The following IQCJ variants were observed in gnomAD, a reference collection of about 807,000 sequenced individuals.
IQCJ encodes IQ motif containing J, also known as IQ domain-containing protein J.
In IQCJ, 9 loss-of-function variants were observed where a neutral mutation model predicts 11.0. The observed-to-expected ratio is 0.82, with a 90% confidence interval of 0.49 to 1.43. The LOEUF is 1.43. Among genes scored for constraint, IQCJ ranks in the 40% most tolerant of loss-of-function variants. IQCJ has a pLI of 0.00. For missense variants in IQCJ, 146 were observed against 133.2 expected (o/e 1.10, Z -0.47); for synonymous variants, 55 against 51.3 (o/e 1.07, Z -0.31).
At chr3:159,207,493 A>T (rs1163091185) in intron 1 of IQCJ, among the ~76,000 whole-genome samples, 1 of 152,162 alleles carries the variant, frequency 6.6e-6, no homozygotes, top group Non-Finnish European at 1.5e-5. Context: ...GCAAAAAATA[A>T]ATGTCCAATA....
chr3:159,236,084 C>G (rs1726565672), intron 1 of IQCJ, among the ~76,000 whole-genome samples: 1 of 152,070 alleles, frequency 6.6e-6, no homozygotes, highest in African/African-American at 2.4e-5. Flanking sequence ...ATGTATGCTT[C>G]ATGTGACCAT....
intron 1 of IQCJ, among the ~76,000 whole-genome samples, chr3:159,094,701 T>G (rs534258534): frequency 3.4e-4 from 52 of 151,844 alleles, no homozygotes; most frequent in Non-Finnish European, 5.4e-4. Context: ...AAAATGAGAT[T>G]AGAATTGGTA....
chr3:159,111,301 A>C (rs1718614450), intron 1 of IQCJ, among the ~76,000 whole-genome samples: 1 of 152,230 alleles, frequency 6.6e-6, no homozygotes. Context: ...ACTATCCAGT[A>C]AAAACTCTTT....
At chr3:159,202,648 A>T (rs1375378223) in intron 1 of IQCJ, among the ~76,000 whole-genome samples, 3 of 152,082 alleles carry the variant, frequency 2.0e-5, no homozygotes, top group Non-Finnish European at 4.4e-5. Context: ...CAAGCTAAGC[A>T]ATTTTTATTT....
intron 1 of IQCJ, among the ~76,000 whole-genome samples, chr3:159,238,317 G>A (rs1165313569): frequency 6.6e-6 from 1 of 152,168 alleles, no homozygotes; most frequent in African/African-American, 2.4e-5. Flanking sequence ...ATAGAATAAA[G>A]GGTCTAATAG....
intron 1 of IQCJ, among the ~76,000 whole-genome samples, chr3:159,084,043 A>G (rs1353221956): frequency 6.6e-6 from 1 of 152,066 alleles, no homozygotes; most frequent in African/African-American, 2.4e-5. Flanking sequence ...CTAAAACCAC[A>G]CGCACACATA....
intron 1 of IQCJ, among the ~76,000 whole-genome samples, chr3:159,187,088 A>G (rs961613042): frequency 7.2e-5 from 11 of 152,368 alleles, no homozygotes; most frequent in African/African-American, 2.6e-4. Context: ...ATTTTTAAAA[A>G]TCTAGATAAC....
chr3:159,091,821 A>T (rs1255798524), intron 1 of IQCJ, among the ~76,000 whole-genome samples: 1 of 151,798 alleles, frequency 6.6e-6, no homozygotes, highest in Non-Finnish European at 1.5e-5. Context: ...TTAAAAGCCC[A>T]TGGGTTCATA....
chr3:159,153,511 T>C (rs188086859), intron 1 of IQCJ, among the ~76,000 whole-genome samples: 1 of 152,358 alleles, frequency 6.6e-6, no homozygotes, highest in East Asian at 1.9e-4. Context: ...TTTCATACTT[T>C]ATTAGACATT....
chr3:159,154,527 T>G (rs888474660), intron 1 of IQCJ, among the ~76,000 whole-genome samples: 2 of 152,222 alleles, frequency 1.3e-5, no homozygotes, highest in Non-Finnish European at 2.9e-5. Flanking sequence ...GAATACTATG[T>G]GAGGCCTTTG....
intron 2 of IQCJ, among the ~76,000 whole-genome samples, chr3:159,246,112 C>T (rs1276034854): frequency 1.3e-5 from 2 of 152,112 alleles, no homozygotes; most frequent in Non-Finnish European, 2.9e-5. Context: ...TACTGCTTAA[C>T]AGAGTAATAT....
chr3:159,152,066 G>A (rs1025456532), intron 1 of IQCJ, among the ~76,000 whole-genome samples: 2 of 152,124 alleles, frequency 1.3e-5, no homozygotes, highest in Non-Finnish European at 2.9e-5. Flanking sequence ...GGTGAATTCC[G>A]AATGTTACAA....
At chr3:159,081,805 A>G (rs1226393868) in intron 1 of IQCJ, among the ~76,000 whole-genome samples, 1 of 152,148 alleles carries the variant, frequency 6.6e-6, no homozygotes, top group Non-Finnish European at 1.5e-5. Context: ...GAGTTAGTGT[A>G]ATTTTTGCCC....
intron 1 of IQCJ, among the ~76,000 whole-genome samples, chr3:159,155,480 C>G (rs1721464745): frequency 1.3e-5 from 2 of 152,208 alleles, no homozygotes; most frequent in African/African-American, 4.8e-5. Flanking sequence ...TTTTGCCTAA[C>G]AGTTAGCTAA....
intron 1 of IQCJ, among the ~76,000 whole-genome samples, chr3:159,086,280 C>A (rs1166605866): frequency 6.6e-6 from 1 of 152,152 alleles, no homozygotes; most frequent in Non-Finnish European, 1.5e-5. Context: ...ATCTATATGT[C>A]TGTTTTGGTA....
chr3:159,075,544 C>T (rs1400820951), intron 1 of IQCJ, among the ~76,000 whole-genome samples: 1 of 152,028 alleles, frequency 6.6e-6, no homozygotes, highest in Non-Finnish European at 1.5e-5. Context: ...ACACTCTGAC[C>T]TCCAGAGCAT....
At chr3:159,235,756 T>C (rs754047628) in intron 1 of IQCJ, among the ~76,000 whole-genome samples, 2 of 152,224 alleles carry the variant, frequency 1.3e-5, no homozygotes, top group Non-Finnish European at 2.9e-5. Context: ...TTTGACATTT[T>C]CGCATGTGGC....
At chr3:159,084,129 T>C (rs1026769733) in intron 1 of IQCJ, among the ~76,000 whole-genome samples, 3 of 152,054 alleles carry the variant, frequency 2.0e-5, no homozygotes, top group Admixed American at 1.3e-4. Context: ...GGTTGTGATA[T>C]TATACTATAT....
At chr3:159,213,191 G>A (rs1341888054) in intron 1 of IQCJ, among the ~76,000 whole-genome samples, 1 of 152,194 alleles carries the variant, frequency 6.6e-6, no homozygotes. Flanking sequence ...TTTGTGGACA[G>A]CATCAAGTTT....
Sources: allele counts gnomAD v4.1 joint callset (sites outside exome capture counted in the v4.1 genomes callset), GRCh38; gene constraint gnomAD v4.1.1; transcripts MANE v1.5; gene names NCBI Gene and HGNC (gene_info 2026-07-23, HGNC 2026-07-21).